Variants in AUTS2 observed in about 807,000 individuals in gnomAD.
AUTS2 encodes autism susceptibility gene 2 protein.
AUTS2 carries 17 observed loss-of-function variants against 112.4 expected under a neutral mutation model. The observed-to-expected ratio is 0.15, with a 90% confidence interval of 0.10 to 0.23. The LOEUF is 0.23. Ranked by LOEUF, AUTS2 falls within the 10% of genes least tolerant of loss-of-function variation. The pLI is 1.00. For missense variants in AUTS2, 1,510 were observed against 1,701.6 expected (o/e 0.89, Z 1.98); for synonymous variants, 751 against 702.7 (o/e 1.07, Z -1.09).
At chr7:69,924,561 C>CT (rs936822516) in intron 2 of AUTS2, among the ~76,000 whole-genome samples, 1 of 93,076 alleles carries the variant, frequency 1.1e-5, no homozygotes, top group African/African-American at 4.0e-5. Context: ...TTTTTTTTTT[C>CT]TTTTTTTGAG....
chr7:70,753,693 T>C (rs1789003783), intron 6 of AUTS2, among the ~76,000 whole-genome samples: 1 of 152,228 alleles, frequency 6.6e-6, no homozygotes, highest in South Asian at 2.1e-4. Context: ...AAAACATCAC[T>C]GAATGTAGAA....
chr7:69,730,019 T>A lies in AUTS2; in HGVS notation c.309+130057T>A, dbSNP rs575210114. Among the ~76,000 whole-genome samples the A allele has an allele frequency of 5.4e-3, 707 of 131,850 alleles. 10 individuals are homozygous for A. The highest frequency in any genetic ancestry group is 0.011 in the African/African-American group (358 of 31,996). 86.5% of individuals were successfully genotyped at this position (131,850 alleles called of 152,430 possible). ...ATTTTTTTTTTTTTTTTTTTTTTTT[T>A]AGAAACTAGGTCTTCCTAAGTAAGT... is the stretch of plus-strand genomic sequence containing the variant. On this transcript the variant is annotated intron_variant, in intron 1 of 18. Transcript: ENST00000342771.
intron 2 of AUTS2, among the ~76,000 whole-genome samples, chr7:70,007,468 T>G (rs577500966): frequency 7.6e-4 from 116 of 152,292 alleles, no homozygotes; most frequent in African/African-American, 2.7e-3. Flanking sequence ...TACATTAATA[T>G]TGTGGCCATT....
At position 70,791,094 on chromosome 7, in the gene AUTS2, G is replaced by GCTTTCCCCCCCA; in HGVS notation, c.*98_*99insCTTTCCCCCCCA. The GCTTTCCCCCCCA allele has an allele frequency of 1.6e-6, 2 of 1,261,914 alleles. No individual in the cohort carries two copies. The highest frequency in any genetic ancestry group is 1.0e-6 in the Non-Finnish European group (1 of 980,142). 78.2% of individuals were successfully genotyped at this position (1,261,914 alleles called of 1,614,324 possible). ...TCCTGCATGGCTCACACAGACTGGGGGGGAAAGCCCCACCCCTTCCCCTTG... is the reference window on the plus strand; with the variant it reads ...TCCTGCATGGCTCACACAGACTGGGGCTTTCCCCCCCAGGGAAAGCCCCACCCCTTCCCCTTG... On this transcript the variant is annotated 3_prime_UTR_variant, in exon 19 of 19. Transcript: ENST00000342771.
intron 4 of AUTS2, among the ~76,000 whole-genome samples, chr7:70,341,806 C>A (rs1791276292): frequency 6.6e-6 from 1 of 152,204 alleles, no homozygotes; most frequent in African/African-American, 2.4e-5. Flanking sequence ...AAGGACAGAT[C>A]TGTAGAAAAG....
intron 6 of AUTS2, among the ~76,000 whole-genome samples, chr7:70,712,824 G>A (rs775650011): frequency 1.3e-5 from 2 of 152,044 alleles, no homozygotes; most frequent in African/African-American, 4.8e-5. Flanking sequence ...TCAATCTGTC[G>A]GCCAGGCTGG....
At chr7:70,746,019 C>T (rs1022130194) in intron 6 of AUTS2, among the ~76,000 whole-genome samples, 3 of 152,064 alleles carry the variant, frequency 2.0e-5, no homozygotes, top group African/African-American at 7.2e-5. Context: ...AAGAAATCAA[C>T]GATTTATCAA....
chr7:69,601,133 C>G (rs1394045817), intron 1 of AUTS2, among the ~76,000 whole-genome samples: 2 of 151,974 alleles, frequency 1.3e-5, no homozygotes, highest in Non-Finnish European at 2.9e-5. Context: ...CTGTCCCCAC[C>G]CCCCACACAC....
At chr7:70,785,536 C>T (rs1791392494) in intron 16 of AUTS2, 1 of 466,200 alleles carries the variant, frequency 2.1e-6, no homozygotes. Flanking sequence ...CAGATTCAGG[C>T]ATTGGCTTGC....
chr7:69,916,286 C>G (rs1353170837), intron 2 of AUTS2, among the ~76,000 whole-genome samples: 1 of 152,098 alleles, frequency 6.6e-6, no homozygotes, highest in Non-Finnish European at 1.5e-5. Context: ...ACTCACTGTC[C>G]CTTGACATTC....
chr7:69,685,540 A>G (rs1447390540), intron 1 of AUTS2, among the ~76,000 whole-genome samples: 1 of 152,198 alleles, frequency 6.6e-6, no homozygotes, highest in Non-Finnish European at 1.5e-5. Context: ...TGGACTACAG[A>G]AATTTCTGAA....
intron 4 of AUTS2, among the ~76,000 whole-genome samples, chr7:70,211,926 CAG>C (rs1332332545): frequency 2.6e-5 from 4 of 152,104 alleles, no homozygotes; most frequent in South Asian, 4.1e-4. Flanking sequence ...GCGGAGCTTG[CAG>C]CGAGCTGAGA....
intron 1 of AUTS2, among the ~76,000 whole-genome samples, chr7:69,737,975 A>T (rs1392915818): frequency 1.3e-5 from 2 of 152,178 alleles, no homozygotes; most frequent in African/African-American, 4.8e-5. Context: ...GGGGATCCAC[A>T]GATCCCTCAC....
intron 5 of AUTS2, among the ~76,000 whole-genome samples, chr7:70,567,893 G>T (rs1801772072): frequency 6.6e-6 from 1 of 152,180 alleles, no homozygotes; most frequent in South Asian, 2.1e-4. Context: ...GCCAGTGAGG[G>T]TATAGCTCTC....
intron 4 of AUTS2, among the ~76,000 whole-genome samples, chr7:70,422,075 G>A (rs962774660): frequency 6.6e-6 from 1 of 152,130 alleles, no homozygotes; most frequent in African/African-American, 2.4e-5. Context: ...AAAAGTGAAG[G>A]CAGATACCCA....
At chr7:69,991,165 C>T (rs575849745) in intron 2 of AUTS2, among the ~76,000 whole-genome samples, 17 of 152,240 alleles carry the variant, frequency 1.1e-4, no homozygotes, top group East Asian at 1.9e-4. Context: ...CTTGAAATTC[C>T]GGGGAAATCA....
chr7:70,709,940 G>T (rs1408611423), intron 6 of AUTS2, among the ~76,000 whole-genome samples: 1 of 152,098 alleles, frequency 6.6e-6, no homozygotes, highest in Non-Finnish European at 1.5e-5. Flanking sequence ...AGGTAAGAGG[G>T]GATTGAGCCC....
At chr7:69,767,756 G>A (rs901841886) in intron 1 of AUTS2, among the ~76,000 whole-genome samples, 1 of 152,132 alleles carries the variant, frequency 6.6e-6, no homozygotes, top group Admixed American at 6.5e-5. Flanking sequence ...ACCTTACCTG[G>A]TAAGCTGTCT....
chr7:70,280,107 A>T (rs1482507056), intron 4 of AUTS2, among the ~76,000 whole-genome samples: 4 of 152,144 alleles, frequency 2.6e-5, no homozygotes, highest in Admixed American at 1.3e-4. Flanking sequence ...AGTATGTATC[A>T]GTTGCTTCAC....
Sources: gnomAD v4.1 joint callset for allele counts (sites outside exome capture counted in the v4.1 genomes callset) on GRCh38, gnomAD v4.1.1 for gene constraint, MANE v1.5 for transcripts, NCBI Gene and HGNC (gene_info 2026-07-23, HGNC 2026-07-21) for gene names.